Variants in TAF1B observed in about 807,000 individuals in gnomAD.
TAF1B encodes the protein TATA box-binding protein-associated factor RNA polymerase I subunit B.
A neutral mutation model predicts 83.9 loss-of-function variants in TAF1B; 61 were observed. The ratio of observed to expected loss-of-function variants is 0.73; its 90% CI spans 0.59 to 0.90. The LOEUF is 0.90. TAF1B is among the 40% of genes least tolerant of loss of function. The probability of loss-of-function intolerance (pLI) is 0.00; values close to 1 mark genes in which losing one functional copy is unlikely to be tolerated. For synonymous variants in TAF1B, 221 were observed against 224.6 expected (o/e 0.98, Z 0.14); for missense variants, 625 against 677.0 (o/e 0.92, Z 0.85).
chr2:9,895,945 G>T (rs1328096353), intron 8 of TAF1B, among the ~76,000 whole-genome samples: 1 of 151,070 alleles, frequency 6.6e-6, no homozygotes, highest in Non-Finnish European at 1.5e-5. Context: ...CTGTCTTAAA[G>T]TATTGCTTCA....
intron 6 of TAF1B, 126 bp from the exon 7 acceptor site, chr2:9,875,739 A>G: frequency 3.2e-6 from 3 of 941,698 alleles, no homozygotes; most frequent in Middle Eastern, 2.8e-4. Context: ...GTTCAAGATG[A>G]GATTTGGGTG....
chr2:9,880,038 A>G (rs999702057), intron 7 of TAF1B, among the ~76,000 whole-genome samples: 2 of 152,246 alleles, frequency 1.3e-5, no homozygotes, highest in East Asian at 3.9e-4. Flanking sequence ...GAAGGGTGGA[A>G]GCACGGAGAC....
chr2:9,907,047 T>A (rs1558261105), intron 9 of TAF1B, among the ~76,000 whole-genome samples: 1 of 152,014 alleles, frequency 6.6e-6, no homozygotes, highest in Non-Finnish European at 1.5e-5. Context: ...CTGGCTAGTT[T>A]TTTTTATTGT....
chr2:9,853,500 C>T (rs1446337415), intron 4 of TAF1B, among the ~76,000 whole-genome samples: 1 of 151,708 alleles, frequency 6.6e-6, no homozygotes, highest in Non-Finnish European at 1.5e-5. Flanking sequence ...CAGGGTCTTG[C>T]TCTGTCACCC....
At chr2:9,915,288 GA>G (rs910522071) in intron 12 of TAF1B, among the ~76,000 whole-genome samples, 2 of 151,702 alleles carry the variant, frequency 1.3e-5, no homozygotes, top group East Asian at 1.9e-4. Context: ...ATCTATAAAA[GA>G]AAAAAAATTG....
intron 8 of TAF1B, among the ~76,000 whole-genome samples, chr2:9,898,728 A>G (rs902003139): frequency 6.6e-6 from 1 of 152,216 alleles, no homozygotes; most frequent in Non-Finnish European, 1.5e-5. Flanking sequence ...TTATAGTTTA[A>G]TAACTCCGTA....
chr2:9,908,147 A>G (rs930817299), intron 9 of TAF1B, among the ~76,000 whole-genome samples: 1 of 131,910 alleles, frequency 7.6e-6, no homozygotes, highest in Non-Finnish European at 1.5e-5. Context: ...CCACGTTCAC[A>G]CCATTCTCCT....
chr2:9,844,043 TATC>T (rs1663116174), intron 1 of TAF1B, among the ~76,000 whole-genome samples: 1 of 152,186 alleles, frequency 6.6e-6, no homozygotes, highest in Non-Finnish European at 1.5e-5. Context: ...ATTGTCCAGC[TATC>T]ATTCATCGTA....
At chr2:9,875,184 G>A (rs939764115) in intron 6 of TAF1B, among the ~76,000 whole-genome samples, 3 of 152,064 alleles carry the variant, frequency 2.0e-5, no homozygotes, top group South Asian at 4.2e-4. Flanking sequence ...GGCTGGTTTC[G>A]AACTCCTGAC....
At chr2:9,877,192 A>G (rs777074857) in intron 7 of TAF1B, among the ~76,000 whole-genome samples, 5 of 152,132 alleles carry the variant, frequency 3.3e-5, no homozygotes, top group Non-Finnish European at 7.3e-5. Context: ...TGACTCTCAA[A>G]TTTATATCTC....
intron 8 of TAF1B, among the ~76,000 whole-genome samples, chr2:9,904,261 C>G (rs944639286): frequency 9.9e-5 from 15 of 152,200 alleles, no homozygotes; most frequent in African/African-American, 3.6e-4. Context: ...TGATCCTCAC[C>G]CTCCACCCTC....
At chr2:9,896,642 A>AAAAAAAAAAAAAAAT in intron 8 of TAF1B, among the ~76,000 whole-genome samples, 1 of 130,174 alleles carries the variant, frequency 7.7e-6, no homozygotes, top group Non-Finnish European at 1.6e-5. Flanking sequence ...AAAAAAAAAA[A>AAAAAAAAAAAAAAAT]GCTTTAAAAA....
intron 4 of TAF1B, among the ~76,000 whole-genome samples, chr2:9,853,731 G>A (rs990083482): frequency 2.0e-5 from 3 of 152,260 alleles, no homozygotes; most frequent in East Asian, 3.9e-4. Flanking sequence ...GAAGTCTGGG[G>A]ATTACAGTAG....
intron 6 of TAF1B, among the ~76,000 whole-genome samples, chr2:9,873,200 G>A (rs1664221097): frequency 6.6e-6 from 1 of 152,178 alleles, no homozygotes; most frequent in Non-Finnish European, 1.5e-5. Context: ...CATAATGGTG[G>A]CAAGACTGTC....
Position 9,910,795 on chromosome 2 carries a change from T to C in TAF1B, c.1015T>C (p.Phe339Leu). 6.2e-7 allele frequency: 1 copy of C among 1,613,746 alleles called. No homozygotes were observed. The highest frequency in any genetic ancestry group is 8.5e-7 in the Non-Finnish European group (1 of 1,179,774). ...VKMTGMGEVD[F>L]LTFDPIAKMA... ...AATGACTGGAATGGGAGAAGTGGAT[T>C]TTCTGACATTTGATCCTATAGCTAA... The change falls in exon 10 of 15, where the codon TTT (phenylalanine) becomes CTT (leucine). Residue 339 changes from phenylalanine to leucine, a missense_variant. Phe to Leu is a conservative substitution (Grantham distance 22, BLOSUM62 0). Coordinates refer to ENST00000263663, the MANE Select transcript of TAF1B (RefSeq NM_005680.3).
intron 5 of TAF1B, among the ~76,000 whole-genome samples, chr2:9,859,411 G>C (rs1049383101): frequency 8.1e-5 from 11 of 135,996 alleles, no homozygotes; most frequent in Non-Finnish European, 1.4e-4. Context: ...TTTTGAGATA[G>C]AGTGTTGCTT....
At chr2:9,850,665 TA>T (rs1313275988) in intron 3 of TAF1B, among the ~76,000 whole-genome samples, 1 of 152,186 alleles carries the variant, frequency 6.6e-6, no homozygotes, top group Non-Finnish European at 1.5e-5. Context: ...AAGCTCTGTG[TA>T]AAAAGTACTG....
At chr2:9,879,103 C>T (rs1453878562) in intron 7 of TAF1B, among the ~76,000 whole-genome samples, 1 of 152,126 alleles carries the variant, frequency 6.6e-6, no homozygotes, top group Admixed American at 6.5e-5. Context: ...GTAGATAGCA[C>T]GGAACCCTAT....
chr2:9,888,809 T>G (rs1308649665), intron 8 of TAF1B, among the ~76,000 whole-genome samples: 4 of 144,964 alleles, frequency 2.8e-5, no homozygotes, highest in East Asian at 2.0e-4. Context: ...TTTTTTTTTT[T>G]TTTTTTTTTT....
Sources: gnomAD v4.1 joint callset for allele counts (sites outside exome capture counted in the v4.1 genomes callset) on GRCh38, gnomAD v4.1.1 for gene constraint, MANE v1.5 for transcripts, NCBI Gene and HGNC (gene_info 2026-07-23, HGNC 2026-07-21) for gene names.